SLC8A1: variants seen among roughly 807,000 people sequenced by gnomAD.
SLC8A1 encodes the protein solute carrier family 8 member A1.
In SLC8A1, 18 loss-of-function variants were observed where a neutral mutation model predicts 68.3. The observed-to-expected ratio is 0.26, with a 90% confidence interval of 0.18 to 0.39. The LOEUF (loss-of-function observed/expected upper bound fraction) is 0.39, where lower values mean the gene tolerates loss of function less well. Among genes scored for constraint, SLC8A1 ranks in the 10% least tolerant of loss-of-function variants. The probability of loss-of-function intolerance (pLI) is 1.00; values close to 1 mark genes in which losing one functional copy is unlikely to be tolerated. For synonymous variants in SLC8A1, 475 were observed against 415.5 expected, an observed-to-expected ratio of 1.14 and a Z score of -1.74; for missense variants, 985 against 1,156.7, an observed-to-expected ratio of 0.85 and a Z score of 2.15.
intron 2 of SLC8A1, among the ~76,000 whole-genome samples, chr2:40,402,297 T>C (rs1455872681): frequency 6.6e-6 from 1 of 152,178 alleles, no homozygotes; most frequent in East Asian, 1.9e-4. Flanking sequence ...ACATGTATGG[T>C]CTAAACAGGG....
chr2:40,483,132 A>G (rs1325238774), intron 1 of SLC8A1, among the ~76,000 whole-genome samples: 2 of 151,794 alleles, frequency 1.3e-5, no homozygotes, highest in African/African-American at 4.8e-5. Context: ...TGAATGAACT[A>G]AAGTGCTGAA....
At chr2:40,390,357 G>T (rs1258512515) in intron 2 of SLC8A1, among the ~76,000 whole-genome samples, 2 of 152,048 alleles carry the variant, frequency 1.3e-5, no homozygotes, top group East Asian at 3.9e-4. Context: ...AAATGAGGCT[G>T]ATTCACCTCA....
chr2:40,448,791 T>C (rs894064011), intron 1 of SLC8A1, among the ~76,000 whole-genome samples: 1 of 152,126 alleles, frequency 6.6e-6, no homozygotes, highest in African/African-American at 2.4e-5. Context: ...ATGGGTGATA[T>C]TTGGATAATA....
chr2:40,362,109 G>A (rs563978463), intron 2 of SLC8A1, among the ~76,000 whole-genome samples: 1 of 151,234 alleles, frequency 6.6e-6, no homozygotes, highest in African/African-American at 2.4e-5. Context: ...TGGCCAGGCT[G>A]GTCTCGAACT....
chr2:40,354,405 C>T (rs187463615), intron 2 of SLC8A1, among the ~76,000 whole-genome samples: 11 of 152,278 alleles, frequency 7.2e-5, no homozygotes, highest in Admixed American at 7.2e-4. Context: ...CGTGCACAGC[C>T]CACCCATCTG....
At chr2:40,365,760 G>T (rs1675963033) in intron 2 of SLC8A1, among the ~76,000 whole-genome samples, 1 of 152,056 alleles carries the variant, frequency 6.6e-6, no homozygotes, top group East Asian at 1.9e-4. Flanking sequence ...AAGCACTTTG[G>T]GAAACTGAAG....
At chr2:40,163,744 G>A (rs2046076759) in intron 5 of SLC8A1, among the ~76,000 whole-genome samples, 1 of 152,172 alleles carries the variant, frequency 6.6e-6, no homozygotes, top group Admixed American at 6.5e-5. Context: ...ATTCTCAGTG[G>A]CCTAAAGGAA....
intron 1 of SLC8A1, among the ~76,000 whole-genome samples, chr2:40,510,416 A>C (rs1706643676): frequency 6.6e-6 from 1 of 152,178 alleles, no homozygotes; most frequent in Non-Finnish European, 1.5e-5. Flanking sequence ...TGAGGAGTGC[A>C]CACTTGAAAT....
chr2:40,205,774 C>T (rs960258908), intron 2 of SLC8A1, among the ~76,000 whole-genome samples: 2 of 148,402 alleles, frequency 1.3e-5, no homozygotes, highest in African/African-American at 4.9e-5. Context: ...TGTAGCAAAC[C>T]TGCGCTTGTA....
intron 2 of SLC8A1, among the ~76,000 whole-genome samples, chr2:40,286,351 A>C (rs2068309865): frequency 6.6e-6 from 1 of 152,180 alleles, no homozygotes; most frequent in African/African-American, 2.4e-5. Context: ...CAGGATATGA[A>C]AGACAGAGGG....
At chr2:40,236,223 G>A (rs2060349469) in intron 2 of SLC8A1, among the ~76,000 whole-genome samples, 1 of 151,262 alleles carries the variant, frequency 6.6e-6, no homozygotes. Context: ...CATTATTAAT[G>A]TGTGGGAGTC....
At chr2:40,303,925 TCTC>T (rs1239992042) in intron 2 of SLC8A1, among the ~76,000 whole-genome samples, 1 of 152,156 alleles carries the variant, frequency 6.6e-6, no homozygotes, top group African/African-American at 2.4e-5. Context: ...AGCAGACAAT[TCTC>T]CTTTTTCTTT....
intron 2 of SLC8A1, among the ~76,000 whole-genome samples, chr2:40,372,501 A>G (rs1678442140): frequency 6.6e-6 from 1 of 152,136 alleles, no homozygotes; most frequent in African/African-American, 2.4e-5. Context: ...CATGGCAAAC[A>G]TCAAAAACAA....
chr2:40,278,776 G>A (rs1356794226), intron 2 of SLC8A1, among the ~76,000 whole-genome samples: 2 of 146,330 alleles, frequency 1.4e-5, no homozygotes, highest in African/African-American at 5.0e-5. Flanking sequence ...TTCTACTAAT[G>A]CCACAATGAA....
chr2:40,375,954 C>T (rs1170607262), intron 2 of SLC8A1, among the ~76,000 whole-genome samples: 2 of 151,996 alleles, frequency 1.3e-5, no homozygotes, highest in Non-Finnish European at 2.9e-5. Context: ...TGAGCTGAGA[C>T]AGCACCACTA....
chr2:40,247,452 G>A (rs1172938680), intron 2 of SLC8A1, among the ~76,000 whole-genome samples: 3 of 151,756 alleles, frequency 2.0e-5, no homozygotes, highest in Non-Finnish European at 2.9e-5. Flanking sequence ...GTGTGTGTGT[G>A]TGTGGAGAGA....
At chr2:40,125,360 G>A (rs188086628) in intron 7 of SLC8A1, among the ~76,000 whole-genome samples, 19 of 152,254 alleles carry the variant, frequency 1.2e-4, no homozygotes, top group Admixed American at 3.9e-4. Context: ...CCAGTGTCCC[G>A]AGGGTGCCTA....
At chr2:40,361,511 T>A (rs1674630821) in intron 2 of SLC8A1, among the ~76,000 whole-genome samples, 1 of 151,866 alleles carries the variant, frequency 6.6e-6, no homozygotes, top group South Asian at 2.1e-4. Flanking sequence ...CTGTAAACAC[T>A]TGAGAACATG....
At chr2:40,323,989 C>A (rs184384051) in intron 2 of SLC8A1, among the ~76,000 whole-genome samples, 2 of 148,986 alleles carry the variant, frequency 1.3e-5, no homozygotes, top group African/African-American at 2.5e-5. Context: ...GTTACTATGC[C>A]ATTTATATTC....
Sources: allele counts gnomAD v4.1 joint callset (sites outside exome capture counted in the v4.1 genomes callset), GRCh38; gene constraint gnomAD v4.1.1; transcripts MANE v1.5; gene names NCBI Gene and HGNC (gene_info 2026-07-23, HGNC 2026-07-21).